The following ABTB3 variants were observed in gnomAD, a reference collection of about 807,000 sequenced individuals.
ABTB3 encodes ankyrin repeat- and BTB/POZ domain-containing protein 3.
At chr12:107,575,862 G>A in the ABTB3 span, among the ~76,000 whole-genome samples, 5 of 152,166 alleles carry the variant, frequency 3.3e-5, no homozygotes, top group Non-Finnish European at 7.4e-5. Context: ...GGACATCTTC[G>A]GTTAGGGGTG....
At chr12:107,649,573 G>A in the ABTB3 span, 74,313 of 386,858 alleles carry the variant, frequency 0.19, 9,139 homozygotes, top group East Asian at 0.51. Flanking sequence ...AGGGGGCAGG[G>A]AAGGGAAGGA....
the ABTB3 span, among the ~76,000 whole-genome samples, chr12:107,520,807 G>A: frequency 6.6e-6 from 1 of 152,232 alleles, no homozygotes; most frequent in Non-Finnish European, 1.5e-5. Flanking sequence ...GTGGCGTGGG[G>A]AAGGTAAGAG....
the ABTB3 span, among the ~76,000 whole-genome samples, chr12:107,568,554 T>G: frequency 1.3e-5 from 2 of 152,184 alleles, no homozygotes; most frequent in Admixed American, 6.5e-5. Context: ...AAAATTTTAG[T>G]TCTTCAATCA....
chr12:107,514,253 G>C, the ABTB3 span, among the ~76,000 whole-genome samples: 1 of 152,184 alleles, frequency 6.6e-6, no homozygotes, highest in Non-Finnish European at 1.5e-5. Context: ...TCCCAGAGCA[G>C]AGAAACCTTG....
the ABTB3 span, among the ~76,000 whole-genome samples, chr12:107,584,131 G>A: frequency 2.7e-4 from 41 of 152,110 alleles, no homozygotes; most frequent in South Asian, 1.2e-3. Flanking sequence ...ACATCTACAC[G>A]TATATTTTCT....
chr12:107,501,273 C>T, the ABTB3 span, among the ~76,000 whole-genome samples: 154 of 152,034 alleles, frequency 1.0e-3, no homozygotes, highest in African/African-American at 3.3e-3. Context: ...GTGGACATTC[C>T]GTAAGACAAC....
the ABTB3 span, among the ~76,000 whole-genome samples, chr12:107,436,509 G>A: frequency 6.6e-6 from 1 of 152,188 alleles, no homozygotes; most frequent in African/African-American, 2.4e-5. Flanking sequence ...CAGGGGTATG[G>A]CTGCCATTTT....
At chr12:107,429,344 C>T in the ABTB3 span, among the ~76,000 whole-genome samples, 211 of 152,298 alleles carry the variant, frequency 1.4e-3, 1 homozygote, top group African/African-American at 4.9e-3. Context: ...GATGAAAAGC[C>T]ACACTGCCAT....
chr12:107,631,172 G>A, the ABTB3 span, among the ~76,000 whole-genome samples: 1 of 152,138 alleles, frequency 6.6e-6, no homozygotes, highest in South Asian at 2.1e-4. Context: ...CCAGTGATCA[G>A]CTCCCACTTA....
chr12:107,563,416 T>G, the ABTB3 span, among the ~76,000 whole-genome samples: 1 of 152,218 alleles, frequency 6.6e-6, no homozygotes, highest in African/African-American at 2.4e-5. Context: ...TCTGCTCTTA[T>G]GAAGCTGACA....
chr12:107,642,054 G>A, the ABTB3 span: 1 of 1,587,104 alleles, frequency 6.3e-7, no homozygotes, highest in African/African-American at 1.3e-5. Context: ...ATTTGTGTGT[G>A]AGTCTTTTTT....
chr12:107,638,101 T>G, the ABTB3 span, among the ~76,000 whole-genome samples: 1 of 152,094 alleles, frequency 6.6e-6, no homozygotes, highest in Non-Finnish European at 1.5e-5. Context: ...AGTTTTTTAA[T>G]TAAAATGTTT....
At chr12:107,523,411 A>T in the ABTB3 span, among the ~76,000 whole-genome samples, 17 of 152,218 alleles carry the variant, frequency 1.1e-4, no homozygotes, top group Non-Finnish European at 2.9e-5. Flanking sequence ...GGGAGTTACA[A>T]CACCTTTGGC....
chr12:107,543,378 T>C, the ABTB3 span, among the ~76,000 whole-genome samples: 3 of 145,158 alleles, frequency 2.1e-5, no homozygotes, highest in East Asian at 2.0e-4. Flanking sequence ...ACACGAAAAG[T>C]ACAGTGTGAT....
At chr12:107,525,230 A>C in the ABTB3 span, among the ~76,000 whole-genome samples, 1 of 146,236 alleles carries the variant, frequency 6.8e-6, no homozygotes, top group Non-Finnish European at 1.5e-5. Context: ...GGAAGGCTGA[A>C]GTGGGAGGAT....
At chr12:107,319,456 G>T in the ABTB3 span, 3 of 1,607,012 alleles carry the variant, frequency 1.9e-6, no homozygotes, top group Non-Finnish European at 2.5e-6. Context: ...TGCTGTCCTG[G>T]GGCCTGGCCG....
At chr12:107,431,587 C>T in the ABTB3 span, among the ~76,000 whole-genome samples, 7 of 152,244 alleles carry the variant, frequency 4.6e-5, no homozygotes, top group East Asian at 1.2e-3. Context: ...CCAGCCTGGC[C>T]AACAAGAGCA....
chr12:107,458,713 T>C, the ABTB3 span, among the ~76,000 whole-genome samples: 18 of 152,122 alleles, frequency 1.2e-4, no homozygotes, highest in Admixed American at 7.9e-4. Context: ...GAAGGCCTCA[T>C]AGGGCAAGGG....
At chr12:107,623,662 C>T in the ABTB3 span, among the ~76,000 whole-genome samples, 30 of 152,104 alleles carry the variant, frequency 2.0e-4, no homozygotes, top group South Asian at 4.1e-4. Flanking sequence ...CCACCACATC[C>T]GGCCTCTAGC....
Sources: allele counts gnomAD v4.1 joint callset (sites outside exome capture counted in the v4.1 genomes callset), GRCh38; gene constraint gnomAD v4.1.1; transcripts MANE v1.5; gene names NCBI Gene and HGNC (gene_info 2026-07-23, HGNC 2026-07-21).